TBC1D5: variants seen among roughly 807,000 people sequenced by gnomAD.
TBC1D5 encodes TBC1 domain family member 5.
In TBC1D5, 75 loss-of-function variants were observed where a neutral mutation model predicts 100.3. The ratio of observed to expected loss-of-function variants is 0.75; its 90% CI spans 0.62 to 0.91. The LOEUF is 0.91. TBC1D5 is among the 40% of genes least tolerant of loss of function. The pLI, the probability that TBC1D5 is intolerant of heterozygous loss-of-function variation, is 0.00. For missense variants in TBC1D5, 910 were observed against 942.4 expected (o/e 0.97, Z 0.45); for synonymous variants, 323 against 325.6 (o/e 0.99, Z 0.09).
chr3:17,308,803 T>A (rs1359509625), intron 13 of TBC1D5, among the ~76,000 whole-genome samples: 1 of 152,094 alleles, frequency 6.6e-6, no homozygotes, highest in Non-Finnish European at 1.5e-5. Flanking sequence ...ATCTAGAAAA[T>A]GAGTATCTAT....
intron 17 of TBC1D5, 35 bp from the exon 19 acceptor site, chr3:17,214,405 CAG>C (rs1323429986): frequency 6.3e-7 from 1 of 1,592,796 alleles, no homozygotes; most frequent in Admixed American, 1.7e-5. Context: ...AATGAAACAC[CAG>C]ACTCTTTCAC....
chr3:17,595,897 T>C (rs1406731063), intron 2 of TBC1D5, among the ~76,000 whole-genome samples: 1 of 152,208 alleles, frequency 6.6e-6, no homozygotes, highest in Admixed American at 6.5e-5. Flanking sequence ...GTTAACATTT[T>C]TGAAAATGTT....
At chr3:17,163,523 T>G (rs1321089366) in intron 21 of TBC1D5, among the ~76,000 whole-genome samples, 1 of 152,192 alleles carries the variant, frequency 6.6e-6, no homozygotes, top group Non-Finnish European at 1.5e-5. Flanking sequence ...AGGTAAGTCT[T>G]ACACAATTAG....
intron 13 of TBC1D5, among the ~76,000 whole-genome samples, chr3:17,339,270 G>A (rs147713413): frequency 1.6e-3 from 246 of 152,292 alleles, no homozygotes; most frequent in Non-Finnish European, 3.0e-3. Context: ...ACTTTATTCT[G>A]TCACGATTTA....
chr3:17,194,508 AAAC>A (rs1484800520), intron 18 of TBC1D5, among the ~76,000 whole-genome samples: 6 of 152,220 alleles, frequency 3.9e-5, no homozygotes, highest in Non-Finnish European at 8.8e-5. Flanking sequence ...TTCTCATTAA[AAAC>A]AAGTGAAATA....
At chr3:17,484,647 T>C (rs1180127536) in intron 3 of TBC1D5, among the ~76,000 whole-genome samples, 1 of 152,056 alleles carries the variant, frequency 6.6e-6, no homozygotes, top group Admixed American at 6.5e-5. Context: ...TATGCTTGGC[T>C]AATTTTTTAA....
intron 3 of TBC1D5, among the ~76,000 whole-genome samples, chr3:17,447,496 G>GA (rs1359257574): frequency 6.6e-6 from 1 of 152,040 alleles, no homozygotes; most frequent in East Asian, 1.9e-4. Flanking sequence ...CATCACTAGG[G>GA]AAAAAAACAG....
intron 4 of TBC1D5, among the ~76,000 whole-genome samples, chr3:17,421,645 A>T (rs186220793): frequency 2.6e-4 from 39 of 152,330 alleles, no homozygotes; most frequent in Non-Finnish European, 5.4e-4. Context: ...CTATGTTTTC[A>T]TGACAAGGGC....
chr3:17,466,747 C>T (rs2095307266), intron 3 of TBC1D5, among the ~76,000 whole-genome samples: 1 of 151,428 alleles, frequency 6.6e-6, no homozygotes, highest in South Asian at 2.1e-4. Context: ...ACTGGCTTAA[C>T]ACCTTATATG....
At chr3:17,703,238 T>TG (rs1307159891) in intron 1 of TBC1D5, among the ~76,000 whole-genome samples, 2 of 151,922 alleles carry the variant, frequency 1.3e-5, no homozygotes, top group South Asian at 2.1e-4. Flanking sequence ...TCAATTATAA[T>TG]TACATTTGTA....
intron 1 of TBC1D5, among the ~76,000 whole-genome samples, chr3:17,633,990 G>A (rs2063700577): frequency 6.6e-6 from 1 of 152,114 alleles, no homozygotes; most frequent in Non-Finnish European, 1.5e-5. Flanking sequence ...GATCATCAGG[G>A]AAATGCAAAT....
chr3:17,287,505 C>G (rs2081295286), intron 15 of TBC1D5, among the ~76,000 whole-genome samples: 1 of 152,178 alleles, frequency 6.6e-6, no homozygotes, highest in Non-Finnish European at 1.5e-5. Flanking sequence ...TGATGCCACT[C>G]TAGCTAGCTT....
intron 1 of TBC1D5, among the ~76,000 whole-genome samples, chr3:17,661,899 C>CT (rs967443808): frequency 6.7e-6 from 1 of 149,986 alleles, no homozygotes; most frequent in Non-Finnish European, 1.5e-5. Flanking sequence ...TCAACTCCCC[C>CT]TTTTTTTTTA....
intron 4 of TBC1D5, among the ~76,000 whole-genome samples, chr3:17,427,746 C>A (rs1461086724): frequency 6.6e-6 from 1 of 151,666 alleles, no homozygotes; most frequent in Non-Finnish European, 1.5e-5. Flanking sequence ...AGAAAATAAC[C>A]AATTTCTTAC....
At chr3:17,616,963 G>A (rs908673453) in intron 2 of TBC1D5, among the ~76,000 whole-genome samples, 2 of 152,200 alleles carry the variant, frequency 1.3e-5, no homozygotes, top group South Asian at 2.1e-4. Flanking sequence ...CCCGTTAATT[G>A]ATGCAGTTTC....
At chr3:17,562,348 TAGAG>T (rs1359330601) in intron 2 of TBC1D5, among the ~76,000 whole-genome samples, 3 of 151,882 alleles carry the variant, frequency 2.0e-5, no homozygotes, top group Non-Finnish European at 2.9e-5. Flanking sequence ...TCAACATTGT[TAGAG>T]AGATTTTACC....
At chr3:17,388,599 A>G (rs1413366256) in intron 8 of TBC1D5, among the ~76,000 whole-genome samples, 1 of 151,640 alleles carries the variant, frequency 6.6e-6, no homozygotes, top group Non-Finnish European at 1.5e-5. Context: ...CTATAATCCC[A>G]GCACTTTGAA....
At chr3:17,195,898 C>G (rs2070620408) in intron 18 of TBC1D5, among the ~76,000 whole-genome samples, 1 of 152,080 alleles carries the variant, frequency 6.6e-6, no homozygotes. Context: ...AAGTTATACC[C>G]CATCTCTCAC....
intron 1 of TBC1D5, among the ~76,000 whole-genome samples, chr3:17,715,665 C>T (rs2075163379): frequency 6.6e-6 from 1 of 151,990 alleles, no homozygotes; most frequent in Non-Finnish European, 1.5e-5. Context: ...TTAGCCAGGC[C>T]TGGTAGCACA....
Sources: allele counts gnomAD v4.1 joint callset (sites outside exome capture counted in the v4.1 genomes callset), GRCh38; gene constraint gnomAD v4.1.1; transcripts MANE v1.5; gene names NCBI Gene and HGNC (gene_info 2026-07-23, HGNC 2026-07-21).